The following ERC1 variants were observed in gnomAD, a reference collection of about 807,000 sequenced individuals.
ERC1 encodes the protein ELKS/RAB6-interacting/CAST family member 1.
ERC1 carries 56 observed loss-of-function variants against 132.0 expected under a neutral mutation model. The observed-to-expected ratio is 0.42, with a 90% CI of 0.34 to 0.53. The LOEUF is 0.53. Ranked by LOEUF, ERC1 falls within the 20% of genes least tolerant of loss-of-function variation. ERC1 has a pLI of 0.03. For missense variants in ERC1, 1,202 were observed against 1,349.9 expected (o/e 0.89, Z 1.72); for synonymous variants, 478 against 476.1 (o/e 1.00, Z -0.05).
chr12:1,363,167 T>C (rs2086295432), intron 15 of ERC1, among the ~76,000 whole-genome samples: 1 of 152,224 alleles, frequency 6.6e-6, no homozygotes, highest in African/African-American at 2.4e-5. Flanking sequence ...CATTTTTATA[T>C]TTTTTAAACA....
chr12:1,345,041 A>G (rs867038848), intron 15 of ERC1, among the ~76,000 whole-genome samples: 6 of 152,192 alleles, frequency 3.9e-5, no homozygotes, highest in South Asian at 2.1e-4. Context: ...AATAATCATT[A>G]TTTGTAGTAG....
At chr12:1,099,769 G>A (rs958669977) in intron 3 of ERC1, among the ~76,000 whole-genome samples, 2 of 150,012 alleles carry the variant, frequency 1.3e-5, no homozygotes, top group South Asian at 2.1e-4. Context: ...GGAGATTGGG[G>A]ATGTATATTA....
chr12:1,036,179 T>C (rs1395852692), intron 2 of ERC1, among the ~76,000 whole-genome samples: 3 of 152,154 alleles, frequency 2.0e-5, no homozygotes, highest in Non-Finnish European at 4.4e-5. Flanking sequence ...TTTTGGAGTC[T>C]GATTTTTATG....
chr12:1,119,793 GTCC>G lies in ERC1; in HGVS notation c.1569+3766_1569+3768del, dbSNP rs200188501. Among the ~76,000 whole-genome samples the G allele has an allele frequency of 9.4e-3, 1,421 of 151,970 alleles. 19 individuals are homozygous for G. The highest frequency in any genetic ancestry group is 0.031 in the African/African-American group (1,286 of 41,426). On this transcript the variant is annotated intron_variant, in intron 7 of 18. Transcript: ENST00000360905. ...TCGAACTCCCGACCTCAGGTGATCT[GTCC>G]TCCTCAGCCACCCAAAGTGCTGGGA...
chr12:1,061,989 CTTTTTTTT>C (rs896825718), intron 2 of ERC1, among the ~76,000 whole-genome samples: 53 of 117,402 alleles, frequency 4.5e-4, no homozygotes, highest in Non-Finnish European at 7.4e-4. Context: ...TTCTTTTCTT[CTTTTTTTT>C]TTTTTTTTTT....
intron 6 of ERC1, among the ~76,000 whole-genome samples, chr12:1,113,809 G>A (rs1195558760): frequency 2.6e-5 from 4 of 152,112 alleles, no homozygotes; most frequent in Non-Finnish European, 5.9e-5. Context: ...CAGTACAGTG[G>A]CATTCGTATA....
At chr12:1,359,990 A>G (rs935399512) in intron 15 of ERC1, among the ~76,000 whole-genome samples, 1 of 152,086 alleles carries the variant, frequency 6.6e-6, no homozygotes, top group Non-Finnish European at 1.5e-5. Context: ...TATTTTGCAA[A>G]TTAATGTAAA....
chr12:1,263,014 A>G lies in ERC1; in HGVS notation c.2488-20A>G, dbSNP rs1417090464. On this transcript the variant is annotated intron_variant, in intron 13 of 18. Transcript: ENST00000360905. Reference sequence around the variant, plus strand: ...GTTAAGTAATTAATCCACTTCACCTAGTCTTCCATCATTTTCTAGGACAGT... The same window carrying G: ...GTTAAGTAATTAATCCACTTCACCTGGTCTTCCATCATTTTCTAGGACAGT... The G allele has an allele frequency of 6.2e-7, 1 of 1,612,846 alleles. No individual in the cohort carries two copies.
chr12:1,031,350 A>G (rs552473153), intron 2 of ERC1, among the ~76,000 whole-genome samples: 1 of 152,312 alleles, frequency 6.6e-6, no homozygotes, highest in African/African-American at 2.4e-5. Flanking sequence ...TACTGTTGGT[A>G]TTATGCTGTG....
At chr12:1,361,744 TA>T (rs1261165853) in intron 15 of ERC1, among the ~76,000 whole-genome samples, 1 of 152,212 alleles carries the variant, frequency 6.6e-6, no homozygotes, top group Non-Finnish European at 1.5e-5. Context: ...GATTATTCAT[TA>T]AAAAACTGAG....
At chr12:1,148,172 A>G (rs1026670666) in intron 8 of ERC1, among the ~76,000 whole-genome samples, 1 of 152,236 alleles carries the variant, frequency 6.6e-6, no homozygotes, top group African/African-American at 2.4e-5. Context: ...TAACTAGGTA[A>G]AAATTTTTAG....
intron 15 of ERC1, 147 bp downstream of exon 15, chr12:1,290,159 T>G (rs2079340165): frequency 1.5e-6 from 1 of 666,434 alleles, no homozygotes. Context: ...AGAATAAATT[T>G]GGTCAAAGGT....
intron 17 of ERC1, among the ~76,000 whole-genome samples, chr12:1,424,854 A>ATAGATAGCTAGC (rs1565411376): frequency 1.6e-5 from 2 of 125,150 alleles, no homozygotes; most frequent in African/African-American, 7.3e-5. Flanking sequence ...TGATAGATAG[A>ATAGATAGCTAGC]TAGATAGATC....
intron 17 of ERC1, among the ~76,000 whole-genome samples, chr12:1,424,309 A>C (rs976686763): frequency 1.3e-5 from 2 of 152,208 alleles, no homozygotes; most frequent in African/African-American, 2.4e-5. Flanking sequence ...GGGTAATAGA[A>C]GAATTAGAGC....
intron 15 of ERC1, among the ~76,000 whole-genome samples, chr12:1,330,061 A>G (rs936826574): frequency 2.0e-5 from 3 of 152,190 alleles, no homozygotes; most frequent in East Asian, 1.9e-4. Flanking sequence ...CCTTTGTTTT[A>G]TGGCTAAGAA....
chr12:1,069,495 G>A lies in ERC1; in HGVS notation c.670-13669G>A, dbSNP rs75359171. 5.7e-3 allele frequency among the ~76,000 whole-genome samples: 873 copies of A among 152,234 alleles called. 7 individuals are homozygous for A. Among genetic ancestry groups the A allele is most frequent in the African/African-American group, 0.02 (818 of 41,546 alleles). On this transcript the variant is annotated intron_variant, in intron 2 of 18. Coordinates refer to ENST00000360905, the MANE Select transcript of ERC1 (RefSeq NM_178040.4). ...GATCTAGATAGGATCTAGATAGATG[G>A]AGGTGTATTTATTATAATAGTGAAT...
At chr12:1,365,971 A>G (rs753864657) in intron 15 of ERC1, among the ~76,000 whole-genome samples, 1 of 152,216 alleles carries the variant, frequency 6.6e-6, no homozygotes, top group Non-Finnish European at 1.5e-5. Flanking sequence ...TCACAAAAAG[A>G]CAAATACTGT....
chr12:1,115,256 TAATC>T (rs1218101051), intron 6 of ERC1, among the ~76,000 whole-genome samples: 2 of 152,202 alleles, frequency 1.3e-5, no homozygotes, highest in African/African-American at 4.8e-5. Flanking sequence ...AGAGAGAAAT[TAATC>T]AATACACATA....
intron 16 of ERC1, among the ~76,000 whole-genome samples, chr12:1,383,737 A>G (rs527662612): frequency 2.6e-5 from 4 of 152,366 alleles, no homozygotes; most frequent in Admixed American, 2.6e-4. Flanking sequence ...TGCCGTTTTC[A>G]GAAGCTGTAA....
Sources: gnomAD v4.1 joint callset for allele counts (sites outside exome capture counted in the v4.1 genomes callset) on GRCh38, gnomAD v4.1.1 for gene constraint, MANE v1.5 for transcripts, NCBI Gene and HGNC (gene_info 2026-07-23, HGNC 2026-07-21) for gene names.